Variants in IRAG1 observed in about 807,000 individuals in gnomAD.
IRAG1 encodes the protein inositol 1,4,5-triphosphate receptor associated 1.
A neutral mutation model predicts 106.2 loss-of-function variants in IRAG1; 62 were observed. The ratio of observed to expected loss-of-function variants is 0.58; its 90% CI spans 0.48 to 0.72. The LOEUF is 0.72. IRAG1 is among the 30% of genes least tolerant of loss of function. The pLI, the probability that IRAG1 is intolerant of heterozygous loss-of-function variation, is 0.00. For synonymous variants in IRAG1, 462 were observed against 443.9 expected (o/e 1.04, Z -0.51); for missense variants, 1,064 against 1,140.7 (o/e 0.93, Z 0.97).
intron 1 of IRAG1, among the ~76,000 whole-genome samples, chr11:10,662,934 T>A (rs568887525): frequency 6.6e-6 from 1 of 152,376 alleles, no homozygotes; most frequent in East Asian, 1.9e-4. Flanking sequence ...GGGATCGCAC[T>A]AGGCCTTGAT....
rs1021684645 is a variant in IRAG1 at position 10,681,407 on chromosome 11, C to T, written c.67+12129G>A. On this transcript the variant is annotated intron_variant, in intron 1 of 20. Coordinates refer to ENST00000423302, the MANE Select transcript of IRAG1 (RefSeq NM_130385.4). ...TTTTAAAAATACAACCTTCCATTAA[C>T]TTTGGACCTGATGCCCATTCTAACT... 2.4e-4 allele frequency among the ~76,000 whole-genome samples: 37 copies of T among 152,292 alleles called. 1 individual carries two copies. The highest frequency in any genetic ancestry group is 6.8e-3 in the Middle Eastern group (2 of 294).
intron 18 of IRAG1, among the ~76,000 whole-genome samples, chr11:10,585,300 A>G (rs1351273741): frequency 2.0e-5 from 3 of 152,108 alleles, no homozygotes; most frequent in Non-Finnish European, 4.4e-5. Flanking sequence ...CAGCTCCCCT[A>G]TAGGGCTCTC....
chr11:10,674,869 C>T (rs1341339336), intron 1 of IRAG1, among the ~76,000 whole-genome samples: 1 of 152,200 alleles, frequency 6.6e-6, no homozygotes, highest in Non-Finnish European at 1.5e-5. Context: ...CCAGATTTAG[C>T]GAGAGTCCAA....
chr11:10,604,525 G>A lies in IRAG1; in HGVS notation c.1623C>T (p.Ser541=). The change falls in exon 13 of 21, where the codon TCC becomes TCT. Residue 541 remains serine, a synonymous_variant. Coordinates refer to ENST00000423302, the MANE Select transcript of IRAG1 (RefSeq NM_130385.4). ...TGTAGCTGTCATTTCTAAAGGCCAA[G>A]GACAGTTGCACAAACACGTTCTGTT... ...KEVENVFVQL[S]LAFRNDSYTL... 6.2e-7 allele frequency: 1 copy of A among 1,614,064 alleles called. No individual in the cohort carries two copies. The highest frequency in any genetic ancestry group is 8.5e-7 in the Non-Finnish European group (1 of 1,179,906).
chr11:10,581,889 C>T lies in IRAG1; in HGVS notation c.2338G>A (p.Glu780Lys). ...CACCCCTTGCTGTAGGCTTCTTCCT[C>T]CATCCTGGCCTTGGTCTCCTGACTA... ...ELSQETKARM[E>K]EEAYSKGFQE... is the part of the protein sequence containing the mutation. Residue 780 changes from glutamate to lysine, a missense_variant, in exon 19 of 21, where the codon GAG (glutamate) becomes AAG (lysine). Glu to Lys is a moderately conservative substitution (Grantham distance 56). Transcript: ENST00000423302. 1.2e-6 allele frequency: 2 copies of T among 1,613,824 alleles called. No homozygotes were observed. Among genetic ancestry groups the T allele is most frequent in the Non-Finnish European group, 8.5e-7 (1 of 1,179,754 alleles).
rs373545447 is a variant in IRAG1 at position 10,594,166 on chromosome 11, T to C, written c.2047A>G (p.Met683Val). The C allele has an allele frequency of 5.0e-6, 8 of 1,610,190 alleles. No individual in the cohort carries two copies. The African/African-American group carries it at 9.3e-5, about 19-fold the overall frequency. ...EDGVPRTARS[M>V]SLTLGKNMPR... ...CATACCTTTCCCAGCGTGAGGGACA[T>C]GGACCGTGCCGTGCGAGGGACCCCA... Residue 683 changes from methionine (M) to valine (V), a missense_variant, in exon 16 of 21, where the codon ATG becomes GTG. Met to Val is a conservative substitution (Grantham distance 21). Transcript: ENST00000423302.
intron 2 of IRAG1, among the ~76,000 whole-genome samples, chr11:10,648,757 AG>A (rs1260353230): frequency 1.3e-5 from 2 of 152,188 alleles, no homozygotes; most frequent in African/African-American, 4.8e-5. Context: ...CTTCTGATTA[AG>A]GACCTGAAGA....
chr11:10,581,438 G>A (rs1467078877), intron 19 of IRAG1, among the ~76,000 whole-genome samples: 2 of 152,096 alleles, frequency 1.3e-5, no homozygotes, highest in Non-Finnish European at 2.9e-5. Context: ...GTTCGAAGTT[G>A]AAGAGACTCC....
At chr11:10,578,284 G>A (rs533179422) in intron 20 of IRAG1, among the ~76,000 whole-genome samples, 1 of 152,344 alleles carries the variant, frequency 6.6e-6, no homozygotes, top group Admixed American at 6.5e-5. Context: ...CCATAGAACT[G>A]GTTTGAACAG....
intron 9 of IRAG1, among the ~76,000 whole-genome samples, chr11:10,625,365 TA>T (rs1856160211): frequency 6.6e-6 from 1 of 152,132 alleles, no homozygotes; most frequent in Admixed American, 6.5e-5. Context: ...CCCCCAATCA[TA>T]CCCTGCATAG....
Position 10,628,944 on chromosome 11 carries a change from C to T in IRAG1, c.575-116G>A, listed in dbSNP as rs1856482518. The T allele has an allele frequency of 1.0e-6, 1 of 961,836 alleles. No individual in the cohort carries two copies. The highest frequency in any genetic ancestry group is 1.6e-6 in the Non-Finnish European group (1 of 641,092). The allele number at this position is 961,836 out of a possible 1,614,324, so 59.6% of individuals were successfully genotyped here. A position where few individuals can be genotyped will look rare whatever the true frequency, so the allele number is the denominator to read the frequency against. ...GGAACTGGGTCTGCCTTGCTGGGCT[C>T]AGGGGCTGATGCTGGACTGCAATAT... On this transcript the variant is annotated intron_variant, in intron 5 of 20. Coordinates refer to ENST00000423302, the MANE Select transcript of IRAG1 (RefSeq NM_130385.4). The surrounding 1 kb of genome is among the most constrained non-coding windows in gnomAD (Gnocchi z 4.1).
At chr11:10,675,260 C>G (rs963130967) in intron 1 of IRAG1, among the ~76,000 whole-genome samples, 3 of 152,182 alleles carry the variant, frequency 2.0e-5, no homozygotes, top group Non-Finnish European at 4.4e-5. Flanking sequence ...CCCCATTCAC[C>G]CAGAGTGCCT....
intron 13 of IRAG1, among the ~76,000 whole-genome samples, chr11:10,603,830 T>C (rs963820970): frequency 2.0e-5 from 3 of 152,102 alleles, no homozygotes; most frequent in Admixed American, 6.6e-5. Flanking sequence ...TAAGATATAA[T>C]GGAAAGGTGG....
chr11:10,593,606 G>A lies in IRAG1; in HGVS notation c.2068-7C>T. The A allele has an allele frequency of 1.9e-6, 3 of 1,605,972 alleles. No homozygotes were observed. The highest frequency in any genetic ancestry group is 2.6e-6 in the Non-Finnish European group (3 of 1,172,844). On this transcript the variant is annotated splice_region_variant and splice_polypyrimidine_tract_variant and intron_variant, in intron 16 of 20. Coordinates refer to ENST00000423302, the MANE Select transcript of IRAG1 (RefSeq NM_130385.4). The stretch of plus-strand genomic sequence containing the variant: ...CCCTCCGGCGAGGCATATTCTGCAG[G>A]AAGAGAAGTGACCAGGCTCACTGTC...
chr11:10,622,032 T>A (rs937029914), intron 10 of IRAG1, among the ~76,000 whole-genome samples: 2 of 152,180 alleles, frequency 1.3e-5, no homozygotes, highest in African/African-American at 4.8e-5. Flanking sequence ...TGGATAGTGG[T>A]GATGGCTTCA....
intron 1 of IRAG1, among the ~76,000 whole-genome samples, chr11:10,684,428 A>C (rs1323739874): frequency 6.6e-6 from 1 of 151,716 alleles, no homozygotes; most frequent in Non-Finnish European, 1.5e-5. Context: ...GGACACAGGA[A>C]GGGGAACATC....
intron 1 of IRAG1, among the ~76,000 whole-genome samples, chr11:10,673,510 A>G (rs960930539): frequency 6.6e-6 from 1 of 152,112 alleles, no homozygotes; most frequent in Non-Finnish European, 1.5e-5. Context: ...GGGAAATGGG[A>G]CGTGGCTGTT....
chr11:10,628,713 G>A lies in IRAG1; in HGVS notation c.652+38C>T. 3 of 1,479,382 alleles carry A rather than the reference G, an allele frequency of 2.0e-6. No homozygotes were observed. The highest frequency in any genetic ancestry group is 2.7e-5 in the Admixed American group (1 of 37,352). The allele number at this position is 1,479,382 out of a possible 1,614,324, so 91.6% of individuals were successfully genotyped here. ...CAGGCTGAGCTGCCACCCAGAGCGA[G>A]AGGCAGGGCAGGAAGTCCCCGGGCA... is the stretch of plus-strand genomic sequence containing the variant. On this transcript the variant is annotated intron_variant, in intron 6 of 20. Coordinates refer to ENST00000423302, the MANE Select transcript of IRAG1 (RefSeq NM_130385.4). The surrounding 1 kb of genome is among the most constrained non-coding windows in gnomAD (Gnocchi z 4.1).
At chr11:10,616,516 A>G (rs1267451759) in intron 10 of IRAG1, among the ~76,000 whole-genome samples, 1 of 151,902 alleles carries the variant, frequency 6.6e-6, no homozygotes, top group African/African-American at 2.4e-5. Flanking sequence ...CTCATACCAA[A>G]GCAAAAACAA....
Sources: gnomAD v4.1 joint callset for allele counts (sites outside exome capture counted in the v4.1 genomes callset) on GRCh38, gnomAD v4.1.1 for gene constraint, Gnocchi (gnomAD v3.1) non-coding constraint, MANE v1.5 for transcripts, NCBI Gene and HGNC (gene_info 2026-07-23, HGNC 2026-07-21) for gene names.